The following CDS2 variants were observed in gnomAD, a reference collection of about 807,000 sequenced individuals.
CDS2 encodes phosphatidate cytidylyltransferase 2.
CDS2 carries 47 observed loss-of-function variants against 59.0 expected under a neutral mutation model. The ratio of observed to expected loss-of-function variants is 0.80; its 90% CI spans 0.63 to 1.02. The LOEUF is 1.02. Among genes scored for constraint, CDS2 ranks in the 50% least tolerant of loss-of-function variants. CDS2 has a pLI of 0.00. For missense variants in CDS2, 356 were observed against 558.9 expected, an observed-to-expected ratio of 0.64 and a Z score of 3.66; for synonymous variants, 207 against 206.4, an observed-to-expected ratio of 1.00 and a Z score of -0.02.
At position 5,190,250 on chromosome 20, in the gene CDS2, A is replaced by G; in HGVS notation, c.*16A>G. The G allele has an allele frequency of 6.2e-7, 1 of 1,610,922 alleles. No homozygotes were observed. On this transcript the variant is annotated 3_prime_UTR_variant, in exon 13 of 13. Coordinates refer to ENST00000460006, the MANE Select transcript of CDS2 (RefSeq NM_003818.4). Reference sequence around the variant, plus strand: ...GGACGAGTAGGGGCCACCCAGGGCCAGGAGAACAGGAACAGAACTGAGCAG... The same window carrying G: ...GGACGAGTAGGGGCCACCCAGGGCCGGGAGAACAGGAACAGAACTGAGCAG...
chr20:5,135,437 A>G (rs1489765005), intron 1 of CDS2, among the ~76,000 whole-genome samples: 1 of 150,492 alleles, frequency 6.6e-6, no homozygotes, highest in East Asian at 1.9e-4. Flanking sequence ...TGGGGGTGAA[A>G]AAGTACAGCT....
At chr20:5,132,062 T>TA (rs1452938616) in intron 1 of CDS2, among the ~76,000 whole-genome samples, 4 of 152,158 alleles carry the variant, frequency 2.6e-5, no homozygotes, top group Non-Finnish European at 4.4e-5. Flanking sequence ...AGAAAGGACT[T>TA]AGCCTTCTAT....
chr20:5,147,556 A>G (rs1407706666), intron 1 of CDS2, among the ~76,000 whole-genome samples: 1 of 152,120 alleles, frequency 6.6e-6, no homozygotes, highest in African/African-American at 2.4e-5. Flanking sequence ...GTAGCTCTCA[A>G]GTATGTCCAG....
intron 1 of CDS2, among the ~76,000 whole-genome samples, chr20:5,136,416 A>T (rs1358231898): frequency 6.6e-6 from 1 of 152,020 alleles, no homozygotes; most frequent in African/African-American, 2.4e-5. Context: ...TGGAATCCTT[A>T]TCTGTTTGTT....
At chr20:5,178,719 G>A (rs1376383075) in intron 4 of CDS2, 98 bp from the exon 5 acceptor site, 2 of 1,247,402 alleles carry the variant, frequency 1.6e-6, no homozygotes, top group South Asian at 1.3e-5. Context: ...AGGGTGGGGG[G>A]TATTCTGCTG....
chr20:5,189,919 C>G lies in CDS2; in HGVS notation c.1205+81C>G. The G allele has an allele frequency of 2.9e-6, 4 of 1,385,482 alleles. No homozygotes were observed. The South Asian group carries it at 3.8e-5, about 13-fold the overall frequency. The allele number at this position is 1,385,482 out of a possible 1,614,324, so 85.8% of individuals were successfully genotyped here. ...CTAGAATTTTAGCGGCATCTAAGTTCCAGTGAAAAGCATCCCAAATAATGC... is the reference window on the plus strand; with the variant it reads ...CTAGAATTTTAGCGGCATCTAAGTTGCAGTGAAAAGCATCCCAAATAATGC... On this transcript the variant is annotated intron_variant, in intron 12 of 12. Transcript: ENST00000460006.
intron 1 of CDS2, among the ~76,000 whole-genome samples, chr20:5,136,471 A>AC (rs2090650925): frequency 6.6e-6 from 1 of 152,116 alleles, no homozygotes; most frequent in Non-Finnish European, 1.5e-5. Context: ...ACATTTCAGG[A>AC]CTGCAGTATT....
At position 5,197,798 on chromosome 20, in the gene CDS2, AG is replaced by A. The variant is rs1309984310; in HGVS notation, c.*7565del. On this transcript the variant is annotated 3_prime_UTR_variant, in exon 13 of 13. Coordinates refer to ENST00000460006, the MANE Select transcript of CDS2 (RefSeq NM_003818.4). ...GTAGGTTCTTTTTCCACGCAATGTA[AG>A]AACATGATATACTGTACGTTGGAAA... 1 of 152,264 alleles carries A rather than the reference AG, an allele frequency of 6.6e-6. No homozygotes were observed. Among genetic ancestry groups the A allele is most frequent in the Non-Finnish European group, 1.5e-5 (1 of 68,044 alleles). 9.4% of individuals were successfully genotyped at this position (152,264 alleles called of 1,614,324 possible).
intron 1 of CDS2, among the ~76,000 whole-genome samples, chr20:5,157,504 A>G (rs1245483594): frequency 6.6e-6 from 1 of 152,198 alleles, no homozygotes; most frequent in African/African-American, 2.4e-5. Context: ...GCAGGGAAAG[A>G]GAGGCCATGT....
At chr20:5,176,588 G>A (rs1369838533) in intron 3 of CDS2, 60 bp from the exon 4 acceptor site, 2 of 1,318,410 alleles carry the variant, frequency 1.5e-6, no homozygotes, top group African/African-American at 2.9e-5. Flanking sequence ...ATGACCTGTT[G>A]GTTTCCATTT....
At position 5,189,097 on chromosome 20, in the gene CDS2, C is replaced by G; in HGVS notation, c.1012C>G (p.His338Asp). 1 of 1,614,200 alleles carries G rather than the reference C, an allele frequency of 6.2e-7. No individual in the cohort carries two copies. Among genetic ancestry groups the G allele is most frequent in the South Asian group, 1.1e-5 (1 of 91,082 alleles). ...GGTCCGGATGTACCCCTTCCAGATT[C>G]ACAGCATCGCTCTCTCCACCTTTGC... ...KTVRMYPFQI[H>D]SIALSTFASL... The change falls in exon 11 of 13, where the codon CAC becomes GAC. Residue 338 changes from histidine (H) to aspartate (D), a missense_variant. This residue lies in a region of CDS2 where 88 missense variants were observed against 103.6 expected (regional missense o/e 0.85). Coordinates refer to ENST00000460006, the MANE Select transcript of CDS2 (RefSeq NM_003818.4).
At chr20:5,128,429 G>A (rs896938345) in intron 1 of CDS2, 1 of 152,096 alleles carries the variant, frequency 6.6e-6, no homozygotes, top group African/African-American at 2.4e-5. Flanking sequence ...AACAACTTTC[G>A]TGTTATTGCA....
chr20:5,152,099 A>G (rs1305340847), intron 1 of CDS2, among the ~76,000 whole-genome samples: 1 of 151,888 alleles, frequency 6.6e-6, no homozygotes, highest in East Asian at 1.9e-4. Flanking sequence ...AAAAAACAAA[A>G]AAACAAAAAC....
intron 11 of CDS2, 80 bp from the exon 12 acceptor site, chr20:5,189,655 G>T: frequency 3.0e-6 from 3 of 997,384 alleles, no homozygotes; most frequent in Admixed American, 3.8e-5. Context: ...ACAGAAGCCT[G>T]ACATTGGGGT....
At chr20:5,135,125 A>G (rs1195333812) in intron 1 of CDS2, among the ~76,000 whole-genome samples, 2 of 152,160 alleles carry the variant, frequency 1.3e-5, no homozygotes, top group Admixed American at 1.3e-4. Context: ...TTTATAATAG[A>G]GACAGGGTCT....
chr20:5,152,527 A>T (rs1488921342), intron 1 of CDS2, among the ~76,000 whole-genome samples: 1 of 152,148 alleles, frequency 6.6e-6, no homozygotes, highest in Non-Finnish European at 1.5e-5. Flanking sequence ...GGATCACTTG[A>T]GATCAGGAGT....
Position 5,169,607 on chromosome 20 carries a change from C to T in CDS2, c.58-3916C>T, listed in dbSNP as rs559951713. On this transcript the variant is annotated intron_variant, in intron 1 of 12. Coordinates refer to ENST00000460006, the MANE Select transcript of CDS2 (RefSeq NM_003818.4). ...GTCTGACATGTATATGGTGTTTTTA[C>T]CATGTTCCCAGTTTACACTCATGAA... 2.2e-4 allele frequency among the ~76,000 whole-genome samples: 33 copies of T among 152,300 alleles called. No individual in the cohort carries two copies. The South Asian group carries it at 6.8e-3, about 32-fold the overall frequency.
intron 2 of CDS2, 135 bp downstream of exon 2, chr20:5,173,794 C>T (rs912057879): frequency 4.9e-6 from 5 of 1,014,268 alleles, no homozygotes; most frequent in South Asian, 2.9e-5. Flanking sequence ...TGCCACTGCT[C>T]CAGGCTCCAT....
rs540459347 is a variant in CDS2, at chr20:5,149,254, A to G, written c.57+22105A>G. On this transcript the variant is annotated intron_variant, in intron 1 of 12. Transcript: ENST00000460006. ...CGTTTTATTTTTTATATCATGGATT[A>G]TTAGTGAGGTTGAATATTTAAATAT... 2.0e-5 allele frequency among the ~76,000 whole-genome samples: 3 copies of G among 152,322 alleles called. No homozygotes were observed. The East Asian group carries it at 5.8e-4, about 29-fold the overall frequency.
Sources: allele counts gnomAD v4.1 joint callset (sites outside exome capture counted in the v4.1 genomes callset), GRCh38; gene constraint gnomAD v4.1.1; regional missense constraint gnomAD v4.1.1; transcripts MANE v1.5; gene names NCBI Gene and HGNC (gene_info 2026-07-23, HGNC 2026-07-21).